The following FRMPD4 variants were observed in gnomAD, a reference collection of about 807,000 sequenced individuals.
FRMPD4 encodes FERM and PDZ domain-containing protein 4.
FRMPD4 carries 22 observed loss-of-function variants against 94.1 expected under a neutral mutation model. The observed-to-expected ratio is 0.23, with a 90% CI of 0.17 to 0.33. FRMPD4 has a LOEUF of 0.33. Among genes scored for constraint, FRMPD4 ranks in the 10% least tolerant of loss-of-function variants. FRMPD4 has a pLI of 1.00. For synonymous variants in FRMPD4, 631 were observed against 548.6 expected (o/e 1.15, Z -2.10); for missense variants, 1,111 against 1,339.9 (o/e 0.83, Z 2.67).
At chrX:12,663,131 A>C (rs139050097) in intron 4 of FRMPD4, among the ~76,000 whole-genome samples, 3 of 111,622 alleles carry the variant, frequency 2.7e-5, no homozygotes, top group Non-Finnish European at 3.8e-5. Flanking sequence ...GATTGCAAGA[A>C]TTTTCTTCCA....
At chrX:12,581,326 A>T (rs952854667) in intron 2 of FRMPD4, among the ~76,000 whole-genome samples, 3 of 112,315 alleles carry the variant, frequency 2.7e-5, no homozygotes, top group Admixed American at 9.4e-5. Flanking sequence ...ATCAATAGAG[A>T]CCAGGTGCAG....
chrX:12,042,081 T>C (rs904714243), intron 3 of FRMPD4, among the ~76,000 whole-genome samples: 2 of 111,687 alleles, frequency 1.8e-5, no homozygotes, highest in African/African-American at 6.5e-5. Flanking sequence ...TGTTGAGTCA[T>C]TGTCATAAAT....
intron 3 of FRMPD4, among the ~76,000 whole-genome samples, chrX:12,092,315 C>A (rs781521042): frequency 8.9e-5 from 10 of 112,316 alleles, no homozygotes; most frequent in African/African-American, 2.6e-4. Context: ...CCATAATTAG[C>A]TCAAAAAATA....
intron 4 of FRMPD4, among the ~76,000 whole-genome samples, chrX:12,635,301 T>A (rs1331136597): frequency 9.0e-6 from 1 of 111,497 alleles, no homozygotes; most frequent in East Asian, 2.8e-4. Context: ...CGGGTGGAGC[T>A]GGTGAGGCAC....
At chrX:12,255,212 G>A (rs1442372966) in intron 1 of FRMPD4, among the ~76,000 whole-genome samples, 2 of 112,007 alleles carry the variant, frequency 1.8e-5, no homozygotes, top group East Asian at 5.5e-4. Flanking sequence ...TCAGTTTTGA[G>A]TTATCAGGAT....
chrX:11,954,843 TG>T lies in FRMPD4; in HGVS notation c.95+76830del, dbSNP rs2054245908. On this transcript the variant is annotated intron_variant, in intron 3 of 18. Transcript: ENST00000640291. ...TTGTTCCTGACCTTGTTGGTGTCCT[TG>T]GGGGCTTTTTAGCAGAATAGGAAAG... Among the ~76,000 whole-genome samples the T allele has an allele frequency of 2.7e-5, 3 of 110,135 alleles. No homozygotes were observed. The Admixed American group carries it at 2.9e-4, about 11-fold the overall frequency.
intron 3 of FRMPD4, among the ~76,000 whole-genome samples, chrX:12,078,799 T>C (rs2055040174): frequency 9.0e-6 from 1 of 111,580 alleles, no homozygotes; most frequent in Admixed American, 9.5e-5. Flanking sequence ...GCACACCACA[T>C]ACCAGTAGCA....
chrX:12,274,510 G>A (rs1473727019), intron 1 of FRMPD4, among the ~76,000 whole-genome samples: 2 of 112,626 alleles, frequency 1.8e-5, no homozygotes, highest in Non-Finnish European at 3.7e-5. Context: ...CGTAGTTTCG[G>A]TAAGCAGCTA....
At chrX:11,926,662 G>A (rs2054090212) in intron 3 of FRMPD4, among the ~76,000 whole-genome samples, 2 of 111,691 alleles carry the variant, frequency 1.8e-5, no homozygotes, top group African/African-American at 6.5e-5. Context: ...AAAACCACAT[G>A]ATGATCTCAA....
intron 2 of FRMPD4, among the ~76,000 whole-genome samples, chrX:12,557,048 G>A (rs138985246): frequency 0.018 from 2,018 of 111,559 alleles, 17 homozygotes; most frequent in Middle Eastern, 0.028. Flanking sequence ...CAAGTGATCC[G>A]CCCACCTGGG....
At chrX:12,209,979 C>T (rs759815976) in intron 1 of FRMPD4, among the ~76,000 whole-genome samples, 1 of 111,353 alleles carries the variant, frequency 9.0e-6, no homozygotes, top group South Asian at 3.8e-4. Context: ...AAGCCATTGC[C>T]GTTTTTCATA....
At chrX:11,958,542 T>C (rs1351516821) in intron 3 of FRMPD4, among the ~76,000 whole-genome samples, 1 of 111,734 alleles carries the variant, frequency 8.9e-6, no homozygotes, top group Non-Finnish European at 1.9e-5. Flanking sequence ...CTGGCCTGTT[T>C]GGGGATTTGG....
At chrX:12,294,832 G>A (rs769825484) in intron 1 of FRMPD4, among the ~76,000 whole-genome samples, 1 of 111,626 alleles carries the variant, frequency 9.0e-6, no homozygotes, top group Non-Finnish European at 1.9e-5. Flanking sequence ...TCAAGGAACT[G>A]GTCTTCAAGG....
intron 1 of FRMPD4, among the ~76,000 whole-genome samples, chrX:12,162,031 T>C (rs2056034987): frequency 8.9e-6 from 1 of 111,743 alleles, no homozygotes; most frequent in African/African-American, 3.3e-5. Context: ...ATTTTGTTTC[T>C]GCATTAAATG....
rs1290432257 is a variant in FRMPD4, at chrX:12,467,920, G to C, written c.42-30760G>C. ...AAAGATCAAAAATATTAATAGAACA[G>C]AGTAACTCCTGGTTTCATCTGGGTT... On this transcript the variant is annotated intron_variant, in intron 1 of 16. Coordinates refer to ENST00000675598, the MANE Select transcript of FRMPD4 (RefSeq NM_001368397.1). Among the ~76,000 whole-genome samples, 9 of 111,761 alleles carry C rather than the reference G, an allele frequency of 8.1e-5. No individual in the cohort carries two copies. In the South Asian group the frequency reaches 1.5e-3, roughly 19 times the overall value.
intron 2 of FRMPD4, among the ~76,000 whole-genome samples, chrX:12,593,253 G>T (rs1569354672): frequency 8.9e-6 from 1 of 112,241 alleles, no homozygotes; most frequent in African/African-American, 3.2e-5. Context: ...GATTGAAAAT[G>T]ATTTTTCCAC....
chrX:12,683,617 CAGGGAGAG>C, intron 6 of FRMPD4, 30 bp downstream of exon 6: 2 of 749,402 alleles, frequency 2.7e-6, no homozygotes, highest in Non-Finnish European at 4.1e-6. Flanking sequence ...CTTTGTGACT[CAGGGAGAG>C]TCAATGAGGC....
At chrX:11,999,233 T>C (rs1009559223) in intron 3 of FRMPD4, among the ~76,000 whole-genome samples, 2 of 111,605 alleles carry the variant, frequency 1.8e-5, no homozygotes. Context: ...TTTCTATCCA[T>C]GTCCACAGGG....
chrX:12,039,125 C>G (rs1304513313), intron 3 of FRMPD4, among the ~76,000 whole-genome samples: 1 of 110,576 alleles, frequency 9.0e-6, no homozygotes, highest in African/African-American at 3.3e-5. Context: ...ACCTCAGCTT[C>G]CCAGGTAGCT....
Sources: allele counts gnomAD v4.1 joint callset (sites outside exome capture counted in the v4.1 genomes callset), GRCh38; gene constraint gnomAD v4.1.1; transcripts MANE v1.5; gene names NCBI Gene and HGNC (gene_info 2026-07-23, HGNC 2026-07-21).